Variants in MYH16 observed in about 807,000 individuals in gnomAD.
MYH16 encodes myosin heavy chain 16.
intron 29 of MYH16, among the ~76,000 whole-genome samples, chr7:99,288,541 C>A (rs966368510): frequency 1.1e-4 from 16 of 148,666 alleles, no homozygotes; most frequent in African/African-American, 3.2e-4. Flanking sequence ...CCTGAGGTCA[C>A]AAGTTCAAGA....
chr7:99,297,923 T>C (rs1792526895), exon 36 of MYH16: 1 of 456,560 alleles, frequency 2.2e-6, no homozygotes, highest in Admixed American at 2.4e-5. Context: ...CGAATTCAGT[T>C]GGAACTGGCT....
At chr7:99,300,692 G>C (rs1193942323) in intron 37 of MYH16, among the ~76,000 whole-genome samples, 1 of 152,102 alleles carries the variant, frequency 6.6e-6, no homozygotes, top group African/African-American at 2.4e-5. Context: ...TGTAGTTCCA[G>C]CTACTCAGGA....
chr7:99,256,282 A>T (rs1222489216), intron 9 of MYH16, among the ~76,000 whole-genome samples: 1 of 147,744 alleles, frequency 6.8e-6, no homozygotes. Flanking sequence ...CTGCAAAAAA[A>T]AAAAAAAAAA....
rs552278328 is a variant in MYH16, at chr7:99,273,705, G to T, written n.2485+282G>T. ...GGCCAGGAGTTTGAGACCAGCCTGGGCAACACAGTGAGACCCCATTTCAAA... is the reference window on the plus strand; with the variant it reads ...GGCCAGGAGTTTGAGACCAGCCTGGTCAACACAGTGAGACCCCATTTCAAA... On this transcript the variant is annotated intron_variant and non_coding_transcript_variant, in intron 20 of 41. Transcript: ENST00000439784. 3.9e-4 allele frequency among the ~76,000 whole-genome samples: 59 copies of T among 152,080 alleles called. 1 individual carries two copies. Among genetic ancestry groups the T allele is most frequent in the Admixed American group, 3.5e-3 (53 of 15,268 alleles).
intron 11 of MYH16, among the ~76,000 whole-genome samples, chr7:99,258,799 C>G (rs941015793): frequency 1.6e-5 from 2 of 123,532 alleles, no homozygotes; most frequent in Admixed American, 1.8e-4. Flanking sequence ...GCTGATCAAT[C>G]AGCTCACCAC....
chr7:99,278,921 A>T (rs1455685198), intron 21 of MYH16, among the ~76,000 whole-genome samples: 1 of 152,144 alleles, frequency 6.6e-6, no homozygotes, highest in Non-Finnish European at 1.5e-5. Flanking sequence ...GCCAGGTGCA[A>T]TGGCTCATGC....
downstream of MYH16, among the ~76,000 whole-genome samples, chr7:99,309,925 G>A (rs2150843126): frequency 6.6e-6 from 1 of 152,190 alleles, no homozygotes; most frequent in South Asian, 2.1e-4. Context: ...AGGAGGTTGA[G>A]GCAGGAGAAT....
At chr7:99,287,839 C>A (rs73159509) in intron 28 of MYH16, 53 bp from the exon 10 acceptor site, 4 of 433,756 alleles carry the variant, frequency 9.2e-6, no homozygotes, top group African/African-American at 6.1e-5. Flanking sequence ...GGTGTCCACC[C>A]GGAAAAGGCT....
chr7:99,298,599 T>C (rs1455522320), intron 36 of MYH16, among the ~76,000 whole-genome samples: 1 of 152,236 alleles, frequency 6.6e-6, no homozygotes, highest in Non-Finnish European at 1.5e-5. Flanking sequence ...GTTATGTGGT[T>C]ACTGGCTGTT....
chr7:99,262,148 A>G (rs1326554410), intron 13 of MYH16, among the ~76,000 whole-genome samples: 1 of 152,076 alleles, frequency 6.6e-6, no homozygotes, highest in African/African-American at 2.4e-5. Context: ...TTGCATTTGC[A>G]TAATTAATAG....
intron 11 of MYH16, among the ~76,000 whole-genome samples, chr7:99,259,841 A>ATG (rs1337340652): frequency 2.3e-3 from 132 of 56,698 alleles, no homozygotes; most frequent in Middle Eastern, 0.011. Context: ...ATATATATGT[A>ATG]TGTATGTGTA....
At chr7:99,283,696 T>A in intron 24 of MYH16, 45 bp downstream of exon 6, 1 of 456,456 alleles carries the variant, frequency 2.2e-6, no homozygotes, top group East Asian at 7.0e-5. Context: ...CAAGGCCAGA[T>A]CCCTCTGGGG....
chr7:99,249,307 G>A (rs1038214545), intron 4 of MYH16, among the ~76,000 whole-genome samples: 1 of 151,988 alleles, frequency 6.6e-6, no homozygotes, highest in African/African-American at 2.4e-5. Context: ...AGGGCTTTGG[G>A]AGGCTGAGGC....
At position 99,270,294 on chromosome 7, in the gene MYH16, C is replaced by G. The variant is rs143944242; in HGVS notation, n.2267-663C>G. On this transcript the variant is annotated intron_variant and non_coding_transcript_variant, in intron 18 of 41. Transcript: ENST00000439784. ...CAAGGCCAGCCTTGGTTATGGGCAA[C>G]ATAACCAGACCTCATCTCAGAAAAA... Among the ~76,000 whole-genome samples, 481 of 150,840 alleles carry G rather than the reference C, an allele frequency of 3.2e-3. 3 individuals are homozygous for G. Among genetic ancestry groups the G allele is most frequent in the African/African-American group, 0.011 (459 of 41,120 alleles).
chr7:99,297,226 G>T (rs1486660954), intron 34 of MYH16, among the ~76,000 whole-genome samples: 2 of 152,050 alleles, frequency 1.3e-5, no homozygotes, highest in Non-Finnish European at 1.5e-5. Context: ...GAGGTCAGGA[G>T]TTCAAGACCA....
At chr7:99,302,341 CACACACACACACACA>C (rs1792611374) in intron 38 of MYH16, among the ~76,000 whole-genome samples, 1 of 147,758 alleles carries the variant, frequency 6.8e-6, no homozygotes, top group African/African-American at 2.5e-5. Flanking sequence ...CACACACACA[CACACACACACACACA>C]CACACACATC....
At chr7:99,292,544 G>A in intron 32 of MYH16, 36 bp downstream of exon 13, 1 of 451,994 alleles carries the variant, frequency 2.2e-6, no homozygotes, top group Non-Finnish European at 4.5e-6. Context: ...AGCCAGGTGG[G>A]CTGGGCAGGT....
rs1267609939 is a variant in MYH16 at position 99,296,935 on chromosome 7, T to C, written n.4499+18T>C. On this transcript the variant is annotated intron_variant and non_coding_transcript_variant, in intron 34 of 41. Transcript: ENST00000439784. ...CCTGCAGGGTGAGTCTGAGGGCAGG[T>C]GGATGGGATGGGCCTGTAGGGAGGG... is the stretch of plus-strand genomic sequence containing the variant. The C allele has an allele frequency of 2.2e-6, 1 of 455,996 alleles. No individual in the cohort carries two copies. The highest frequency in any genetic ancestry group is 4.4e-6 in the Non-Finnish European group (1 of 226,700). 28.2% of individuals were successfully genotyped at this position (455,996 alleles called of 1,614,324 possible).
exon 17 of MYH16, chr7:99,265,653 C>A (rs1467010341): frequency 6.5e-6 from 1 of 154,656 alleles, no homozygotes; most frequent in South Asian, 1.8e-4. Context: ...GAAGGGCTTC[C>A]CAAACAGGCT....
Sources: allele counts gnomAD v4.1 joint callset (sites outside exome capture counted in the v4.1 genomes callset), GRCh38; gene constraint gnomAD v4.1.1; transcripts MANE v1.5; gene names NCBI Gene and HGNC (gene_info 2026-07-23, HGNC 2026-07-21).